UHRF2: variants seen among roughly 807,000 people sequenced by gnomAD.
UHRF2 encodes the protein ubiquitin like with PHD and ring finger domains 2.
UHRF2 carries 23 observed loss-of-function variants against 96.8 expected under a neutral mutation model. The ratio of observed to expected loss-of-function variants is 0.24; its 90% confidence interval spans 0.17 to 0.34. UHRF2 has a LOEUF of 0.34. Among genes scored for constraint, UHRF2 ranks in the 10% least tolerant of loss-of-function variants. The pLI, the probability that UHRF2 is intolerant of heterozygous loss-of-function variation, is 1.00. For missense variants in UHRF2, 685 were observed against 981.5 expected, an observed-to-expected ratio of 0.70 and a Z score of 4.04; for synonymous variants, 385 against 332.6, an observed-to-expected ratio of 1.16 and a Z score of -1.72.
chr9:6,486,759 A>G (rs1032596269), intron 8 of UHRF2, 62 bp from the exon 9 acceptor site: 2 of 1,522,380 alleles, frequency 1.3e-6, no homozygotes, highest in East Asian at 4.6e-5. Context: ...ATATGAAAGC[A>G]TTTTGTAAAT....
intron 6 of UHRF2, 27 bp downstream of exon 6, chr9:6,477,835 T>C (rs986088091): frequency 2.6e-6 from 4 of 1,548,298 alleles, no homozygotes; most frequent in Non-Finnish European, 3.5e-6. Flanking sequence ...TTTGTTGTTG[T>C]TGTTCTTGCT....
chr9:6,421,210 T>C (rs1819911521), intron 2 of UHRF2, 68 bp downstream of exon 2: 3 of 1,212,658 alleles, frequency 2.5e-6, no homozygotes, highest in Non-Finnish European at 3.5e-6. Context: ...TCAGGATGTT[T>C]TGAATAAGTA....
At chr9:6,469,763 CGT>C (rs950076285) in intron 4 of UHRF2, among the ~76,000 whole-genome samples, 6 of 143,872 alleles carry the variant, frequency 4.2e-5, no homozygotes, top group East Asian at 2.0e-4. Context: ...TATATACACA[CGT>C]ATATATGTGT....
intron 3 of UHRF2, chr9:6,449,659 G>C (rs1821734184): frequency 6.6e-6 from 1 of 152,318 alleles, no homozygotes; most frequent in South Asian, 2.1e-4. Context: ...TAGATTTCAG[G>C]AACATTCCCA....
At chr9:6,415,891 A>G (rs1271057681) in intron 1 of UHRF2, among the ~76,000 whole-genome samples, 2 of 152,212 alleles carry the variant, frequency 1.3e-5, no homozygotes, top group African/African-American at 2.4e-5. Flanking sequence ...CTTACTATTC[A>G]AAGTATGGTC....
Position 6,444,803 on chromosome 9 carries a change from A to T in UHRF2, c.644+10630A>T, listed in dbSNP as rs376845496. ...TTTTTAGTAGAGACAGGGTTTCACC[A>T]TGTTGGCCAGGCTGGTCTTGAACCC... is the stretch of plus-strand genomic sequence containing the variant. On this transcript the variant is annotated intron_variant, in intron 3 of 15. Coordinates refer to ENST00000276893, the MANE Select transcript of UHRF2 (RefSeq NM_152896.3). 2.5e-4 allele frequency among the ~76,000 whole-genome samples: 38 copies of T among 152,184 alleles called. 1 individual carries two copies. In the Middle Eastern group the frequency reaches 0.01, roughly 41 times the overall value.
chr9:6,466,758 C>G (rs1368431635), intron 4 of UHRF2, among the ~76,000 whole-genome samples: 1 of 152,198 alleles, frequency 6.6e-6, no homozygotes, highest in Non-Finnish European at 1.5e-5. Flanking sequence ...CCATGCTGGC[C>G]TCCTTGTGTT....
intron 3 of UHRF2, chr9:6,449,701 C>T (rs79793188): frequency 0.16 from 24,619 of 152,286 alleles, 2,179 homozygotes; most frequent in South Asian, 0.23. Context: ...TTCTCTGTGC[C>T]TAAACTGTTT....
intron 8 of UHRF2, among the ~76,000 whole-genome samples, chr9:6,485,999 A>G (rs753154354): frequency 6.6e-5 from 10 of 152,046 alleles, no homozygotes; most frequent in Non-Finnish European, 1.2e-4. Flanking sequence ...GGTAATATTG[A>G]GTAGTTTTGG....
At chr9:6,468,462 G>A (rs1432315709) in intron 4 of UHRF2, 10 of 455,930 alleles carry the variant, frequency 2.2e-5, no homozygotes, top group Non-Finnish European at 3.5e-5. Flanking sequence ...AACCAACTGC[G>A]GGTATGTCTC....
chr9:6,489,116 C>T (rs112021879), intron 9 of UHRF2, among the ~76,000 whole-genome samples: 82 of 152,256 alleles, frequency 5.4e-4, no homozygotes, highest in African/African-American at 1.9e-3. Context: ...AGCCTCATTT[C>T]TTCCTGTAAT....
At chr9:6,462,014 G>C (rs1157514749) in intron 4 of UHRF2, among the ~76,000 whole-genome samples, 1 of 150,094 alleles carries the variant, frequency 6.7e-6, no homozygotes, top group Non-Finnish European at 1.5e-5. Context: ...AAAAAAATAA[G>C]AGAAACAGCT....
In UHRF2 at chr9:6,506,238, T is replaced by G; in HGVS notation, c.*59T>G. On this transcript the variant is annotated 3_prime_UTR_variant, in exon 16 of 16. Coordinates refer to ENST00000276893, the MANE Select transcript of UHRF2 (RefSeq NM_152896.3). ...TTTTTGGACAATAAAGAATCTAAAA[T>G]GGGTGGGGAGGGTGGAAGAAATGGT... 1 of 1,596,548 alleles carries G rather than the reference T, an allele frequency of 6.3e-7. No homozygotes were observed. The highest frequency in any genetic ancestry group is 8.5e-7 in the Non-Finnish European group (1 of 1,169,764).
intron 4 of UHRF2, among the ~76,000 whole-genome samples, chr9:6,461,336 T>G (rs1587828015): frequency 8.5e-6 from 1 of 117,038 alleles, no homozygotes; most frequent in Admixed American, 8.5e-5. Context: ...TCTCTCTCCC[T>G]CCCTCCCTCT....
At chr9:6,444,527 A>G (rs1033132935) in intron 3 of UHRF2, among the ~76,000 whole-genome samples, 1 of 152,224 alleles carries the variant, frequency 6.6e-6, no homozygotes, top group African/African-American at 2.4e-5. Flanking sequence ...TAAGGTGTTT[A>G]AGAAACAGAT....
intron 4 of UHRF2, among the ~76,000 whole-genome samples, chr9:6,466,551 GAAAAAAAAAAAAA>G: frequency 9.0e-6 from 1 of 110,980 alleles, no homozygotes; most frequent in African/African-American, 3.3e-5. Context: ...AAAAAAAAAG[GAAAAAAAAAAAAA>G]AAAAAAAAGC....
intron 3 of UHRF2, among the ~76,000 whole-genome samples, chr9:6,447,906 G>A (rs1388584180): frequency 6.6e-6 from 1 of 152,136 alleles, no homozygotes; most frequent in African/African-American, 2.4e-5. Context: ...GTAGTTTGGA[G>A]GAAGGCATGT....
intron 9 of UHRF2, among the ~76,000 whole-genome samples, chr9:6,490,322 T>C (rs1184283633): frequency 6.6e-6 from 1 of 152,232 alleles, no homozygotes; most frequent in Non-Finnish European, 1.5e-5. Context: ...TTAGTTATAT[T>C]CTCTGTAGCA....
At chr9:6,433,581 G>A (rs1820673886) in intron 2 of UHRF2, among the ~76,000 whole-genome samples, 1 of 152,128 alleles carries the variant, frequency 6.6e-6, no homozygotes, top group African/African-American at 2.4e-5. Flanking sequence ...CTTTTCATTA[G>A]TGTCATTCTT....
Sources: gnomAD v4.1 joint callset for allele counts (sites outside exome capture counted in the v4.1 genomes callset) on GRCh38, gnomAD v4.1.1 for gene constraint, MANE v1.5 for transcripts, NCBI Gene and HGNC (gene_info 2026-07-23, HGNC 2026-07-21) for gene names.